Variants in DYNC2I1 observed in about 807,000 individuals in gnomAD.
The protein encoded by DYNC2I1 is cytoplasmic dynein 2 intermediate chain 1.
DYNC2I1 carries 89 observed loss-of-function variants against 133.4 expected under a neutral mutation model. The ratio of observed to expected loss-of-function variants is 0.67; its 90% CI spans 0.56 to 0.80. The LOEUF (loss-of-function observed/expected upper bound fraction) is 0.80. DYNC2I1 is among the 30% of genes least tolerant of loss of function. The pLI is 0.00. For synonymous variants in DYNC2I1, 504 were observed against 484.3 expected (o/e 1.04, Z -0.54); for missense variants, 1,291 against 1,314.5 (o/e 0.98, Z 0.28).
intron 6 of DYNC2I1, among the ~76,000 whole-genome samples, chr7:158,886,605 T>A (rs1412605167): frequency 6.6e-6 from 1 of 152,184 alleles, no homozygotes; most frequent in East Asian, 1.9e-4. Flanking sequence ...AACAGTTTTT[T>A]AAAAAAATTA....
intron 21 of DYNC2I1, 144 bp downstream of exon 21, chr7:158,930,659 C>CT: frequency 1.4e-6 from 1 of 701,976 alleles, no homozygotes; most frequent in Non-Finnish European, 2.3e-6. Context: ...TTTTGTTAGT[C>CT]TATTATTTTT....
At chr7:158,925,576 T>C (rs1849531275) in intron 17 of DYNC2I1, among the ~76,000 whole-genome samples, 1 of 152,210 alleles carries the variant, frequency 6.6e-6, no homozygotes, top group South Asian at 2.1e-4. Context: ...TTGTAGACAT[T>C]CTGTAGGTGT....
downstream of DYNC2I1, among the ~76,000 whole-genome samples, chr7:158,948,586 G>T (rs201032200): frequency 4.3e-5 from 1 of 23,156 alleles, no homozygotes; most frequent in Non-Finnish European, 6.6e-5. Flanking sequence ...GCTCAGTGAA[G>T]GTGGCGCGGG....
At chr7:158,939,270 A>G (rs1851091111) in intron 23 of DYNC2I1, among the ~76,000 whole-genome samples, 1 of 106,500 alleles carries the variant, frequency 9.4e-6, no homozygotes, top group Non-Finnish European at 2.2e-5. Context: ...TACAAAAAAA[A>G]ACCCAAACAA....
chr7:158,944,333 C>T (rs774680640), intron 24 of DYNC2I1, among the ~76,000 whole-genome samples: 4 of 151,974 alleles, frequency 2.6e-5, no homozygotes, highest in African/African-American at 7.3e-5. Flanking sequence ...AAAGAGCTGA[C>T]GGGTGCTAGT....
chr7:158,873,749 A>C (rs533423088), intron 3 of DYNC2I1, among the ~76,000 whole-genome samples: 7 of 152,096 alleles, frequency 4.6e-5, no homozygotes, highest in African/African-American at 1.4e-4. Context: ...GCACCACTGC[A>C]CCTGGGTAAT....
In DYNC2I1 at chr7:158,914,222, G is replaced by T. The variant is rs1349093711; in HGVS notation, c.1703-11G>T. The T allele has an allele frequency of 1.1e-5, 17 of 1,598,880 alleles. No individual in the cohort carries two copies. The highest frequency in any genetic ancestry group is 1.7e-5 in the Admixed American group (1 of 58,196). On this transcript the variant is annotated splice_polypyrimidine_tract_variant and intron_variant, in intron 13 of 24. Transcript: ENST00000407559. ...CGACTTCGTTGATTTTATATAAACT[G>T]TTTTTTTTAGGCAGTGAACAAAGAG...
upstream of DYNC2I1, among the ~76,000 whole-genome samples, chr7:158,855,334 A>G (rs1841160858): frequency 6.6e-6 from 1 of 152,154 alleles, no homozygotes; most frequent in South Asian, 2.1e-4. Flanking sequence ...GTGAGGGGCC[A>G]CAAGATCTGA....
chr7:158,856,987 C>T (rs911258146), intron 1 of DYNC2I1, among the ~76,000 whole-genome samples: 1 of 152,048 alleles, frequency 6.6e-6, no homozygotes, highest in African/African-American at 2.4e-5. Context: ...GCGGTCTGTG[C>T]AGCCTCAGGC....
At chr7:158,886,394 A>G (rs1424603747) in intron 6 of DYNC2I1, among the ~76,000 whole-genome samples, 2 of 152,164 alleles carry the variant, frequency 1.3e-5, no homozygotes, top group African/African-American at 4.8e-5. Flanking sequence ...TTGGCCTCCC[A>G]AAGTGCTGGG....
At chr7:158,930,759 C>T (rs1341707825) in intron 21 of DYNC2I1, among the ~76,000 whole-genome samples, 1 of 152,090 alleles carries the variant, frequency 6.6e-6, no homozygotes, top group Non-Finnish European at 1.5e-5. Flanking sequence ...AACTCTGCCT[C>T]CCTGGTTCAA....
At chr7:158,843,405 C>T in the DYNC2I1 span, among the ~76,000 whole-genome samples, 5 of 152,166 alleles carry the variant, frequency 3.3e-5, no homozygotes, top group African/African-American at 1.2e-4. Flanking sequence ...GGATTACAGA[C>T]ACCCACCACA....
chr7:158,932,859 G>T (rs944598330), intron 21 of DYNC2I1, among the ~76,000 whole-genome samples: 2 of 152,188 alleles, frequency 1.3e-5, no homozygotes, highest in Non-Finnish European at 2.9e-5. Context: ...AGGAGCAGTG[G>T]GAGGGAGGAG....
intron 24 of DYNC2I1, among the ~76,000 whole-genome samples, chr7:158,943,402 A>G (rs1026976993): frequency 4.6e-5 from 7 of 152,210 alleles, no homozygotes; most frequent in Admixed American, 6.5e-5. Context: ...GACAATGAGC[A>G]GAGTGAACGA....
chr7:158,848,725 C>G, the DYNC2I1 span, among the ~76,000 whole-genome samples: 1 of 152,120 alleles, frequency 6.6e-6, no homozygotes, highest in Non-Finnish European at 1.5e-5. Context: ...GAGAGCGAGA[C>G]CATTCTGGCT....
intron 17 of DYNC2I1, 72 bp from the exon 18 acceptor site, chr7:158,926,115 C>A: frequency 8.3e-7 from 1 of 1,204,588 alleles, no homozygotes; most frequent in Non-Finnish European, 1.2e-6. Flanking sequence ...TCGTGTTTGT[C>A]CCTGTGTGAT....
chr7:158,862,608 T>C (rs894985687), intron 1 of DYNC2I1, among the ~76,000 whole-genome samples: 1 of 148,258 alleles, frequency 6.7e-6, no homozygotes, highest in Non-Finnish European at 1.5e-5. Context: ...TAGCCCCAGC[T>C]ACTCAGGAGG....
the DYNC2I1 span, among the ~76,000 whole-genome samples, chr7:158,848,306 A>ATGAC: frequency 1.3e-5 from 2 of 152,162 alleles, no homozygotes; most frequent in Non-Finnish European, 2.9e-5. Flanking sequence ...TGGATTTATG[A>ATGAC]TGACTGGGAT....
chr7:158,886,064 A>G (rs1235458111), intron 6 of DYNC2I1, among the ~76,000 whole-genome samples: 2 of 149,042 alleles, frequency 1.3e-5, no homozygotes, highest in Non-Finnish European at 3.0e-5. Context: ...TTTTATATAT[A>G]TCTTTTATAT....
Sources: gnomAD v4.1 joint callset for allele counts (sites outside exome capture counted in the v4.1 genomes callset) on GRCh38, gnomAD v4.1.1 for gene constraint, MANE v1.5 for transcripts, NCBI Gene and HGNC (gene_info 2026-07-23, HGNC 2026-07-21) for gene names.